MYO16: variants seen among roughly 807,000 people sequenced by gnomAD.
MYO16 encodes the protein unconventional myosin-XVI.
Under a neutral mutation model 205.3 loss-of-function variants are expected in MYO16, and 94 were observed. That is an observed-to-expected ratio of 0.46 (90% CI 0.39 to 0.54). The LOEUF is 0.54. MYO16 is among the 20% of genes least tolerant of loss of function. MYO16 has a pLI of 0.00. For missense variants in MYO16, 2,315 were observed against 2,387.5 expected (o/e 0.97, Z 0.63); for synonymous variants, 988 against 954.0 (o/e 1.04, Z -0.66).
intron 1 of MYO16, among the ~76,000 whole-genome samples, chr13:108,596,414 A>T (rs1230871208): frequency 7.0e-6 from 1 of 143,638 alleles, no homozygotes; most frequent in African/African-American, 2.5e-5. Context: ...CTGCTTTCTG[A>T]TAGCTAGATT....
At chr13:109,192,577 GTA>G (rs1440918714) in intron 34 of MYO16, among the ~76,000 whole-genome samples, 1 of 152,096 alleles carries the variant, frequency 6.6e-6, no homozygotes, top group Non-Finnish European at 1.5e-5. Flanking sequence ...GTGGTTAGGG[GTA>G]GTCATCTGAC....
the MYO16 span, among the ~76,000 whole-genome samples, chr13:108,523,121 G>A: frequency 3.3e-5 from 5 of 152,124 alleles, no homozygotes; most frequent in African/African-American, 1.2e-4. Context: ...ATGTGCAGTG[G>A]CCCCAGTGAC....
At chr13:108,659,323 T>C in intron 1 of MYO16, 1 of 364,598 alleles carries the variant, frequency 2.7e-6, no homozygotes, top group Middle Eastern at 3.7e-4. Flanking sequence ...AATACACATA[T>C]ATACACACAC....
intron 1 of MYO16, among the ~76,000 whole-genome samples, chr13:108,605,357 A>T (rs557298003): frequency 6.6e-6 from 1 of 152,198 alleles, no homozygotes; most frequent in African/African-American, 2.4e-5. Context: ...TCCAATGTCC[A>T]AGTATCCTGC....
intron 24 of MYO16, among the ~76,000 whole-genome samples, chr13:109,050,634 C>A (rs78791897): frequency 0.035 from 5,255 of 152,246 alleles, 131 homozygotes; most frequent in South Asian, 0.056. Context: ...CTTATGATTG[C>A]AAAATTTTGA....
intron 15 of MYO16, among the ~76,000 whole-genome samples, chr13:108,902,775 C>T (rs1393371506): frequency 6.6e-6 from 1 of 152,218 alleles, no homozygotes; most frequent in Non-Finnish European, 1.5e-5. Context: ...ACACACCCTA[C>T]TCCAGTATGA....
chr13:109,047,679 C>A (rs1304949296), intron 24 of MYO16, among the ~76,000 whole-genome samples: 1 of 151,864 alleles, frequency 6.6e-6, no homozygotes, highest in Non-Finnish European at 1.5e-5. Context: ...TTTCTAATAA[C>A]CTTTATAGTG....
At chr13:108,939,621 A>G (rs1247259126) in intron 16 of MYO16, among the ~76,000 whole-genome samples, 1 of 152,232 alleles carries the variant, frequency 6.6e-6, no homozygotes, top group Non-Finnish European at 1.5e-5. Context: ...TCTAAATTTC[A>G]TTATAGCTAA....
chr13:108,875,114 A>T (rs922364297), intron 12 of MYO16, among the ~76,000 whole-genome samples: 6 of 152,222 alleles, frequency 3.9e-5, no homozygotes, highest in African/African-American at 1.4e-4. Flanking sequence ...ACTAGAGTCC[A>T]TCTAAGATTA....
At chr13:108,882,670 G>C (rs1482124273) in intron 12 of MYO16, among the ~76,000 whole-genome samples, 2 of 152,108 alleles carry the variant, frequency 1.3e-5, no homozygotes, top group Admixed American at 1.3e-4. Flanking sequence ...TCACATTCAA[G>C]TTTAAAACCT....
chr13:109,187,739 T>G (rs1385809611), intron 34 of MYO16, among the ~76,000 whole-genome samples: 2 of 152,248 alleles, frequency 1.3e-5, no homozygotes, highest in East Asian at 3.8e-4. Flanking sequence ...TTCAGTTCTC[T>G]TAAATGTACT....
At chr13:109,133,636 C>T (rs1415383494) in intron 31 of MYO16, among the ~76,000 whole-genome samples, 6 of 152,162 alleles carry the variant, frequency 3.9e-5, no homozygotes, top group Non-Finnish European at 7.3e-5. Flanking sequence ...TGTTAGGATC[C>T]CAGAACCTGC....
intron 21 of MYO16, among the ~76,000 whole-genome samples, chr13:108,992,827 T>G (rs987555697): frequency 6.6e-6 from 1 of 152,230 alleles, no homozygotes; most frequent in Non-Finnish European, 1.5e-5. Flanking sequence ...TTATGCTACA[T>G]GCTGTTATTT....
chr13:108,687,901 G>A (rs6492133), intron 2 of MYO16, among the ~76,000 whole-genome samples: 60,410 of 151,940 alleles, frequency 0.4, 12,081 homozygotes, highest in South Asian at 0.5. Flanking sequence ...AGGAGATTCT[G>A]GGACAAAGGA....
intron 29 of MYO16, among the ~76,000 whole-genome samples, chr13:109,121,395 C>T (rs1375523952): frequency 6.6e-6 from 1 of 152,148 alleles, no homozygotes; most frequent in Non-Finnish European, 1.5e-5. Flanking sequence ...TGTACTATGG[C>T]GCTGGTCTCC....
chr13:108,838,241 TG>T (rs1460170241), intron 9 of MYO16, among the ~76,000 whole-genome samples: 2 of 152,034 alleles, frequency 1.3e-5, no homozygotes, highest in African/African-American at 4.8e-5. Flanking sequence ...TTTATAATGT[TG>T]TTGTGAAAAT....
the MYO16 span, among the ~76,000 whole-genome samples, chr13:108,505,975 C>T: frequency 6.6e-6 from 1 of 152,058 alleles, no homozygotes; most frequent in South Asian, 2.1e-4. Flanking sequence ...TAACTTTATA[C>T]ACAAGAATTT....
At chr13:109,121,128 G>A (rs74119832) in intron 29 of MYO16, among the ~76,000 whole-genome samples, 1 of 152,146 alleles carries the variant, frequency 6.6e-6, no homozygotes, top group Non-Finnish European at 1.5e-5. Context: ...AACAGTCTCT[G>A]TTCAGATTTT....
At chr13:108,958,004 T>C (rs1566432161) in intron 17 of MYO16, among the ~76,000 whole-genome samples, 1 of 151,648 alleles carries the variant, frequency 6.6e-6, no homozygotes, top group Non-Finnish European at 1.5e-5. Context: ...CATCCACATG[T>C]TGAGGAAGAA....
Sources: allele counts gnomAD v4.1 joint callset (sites outside exome capture counted in the v4.1 genomes callset), GRCh38; gene constraint gnomAD v4.1.1; transcripts MANE v1.5; gene names NCBI Gene and HGNC (gene_info 2026-07-23, HGNC 2026-07-21).